CROT: variants seen among roughly 807,000 people sequenced by gnomAD.
CROT encodes carnitine O-octanoyltransferase.
CROT carries 84 observed loss-of-function variants against 89.2 expected under a neutral mutation model. That is an observed-to-expected ratio of 0.94 (90% confidence interval 0.79 to 1.13). CROT has a LOEUF of 1.13. CROT is among the 50% of genes most tolerant of loss of function. The probability of loss-of-function intolerance (pLI) is 0.00; values close to 1 mark genes in which losing one functional copy is unlikely to be tolerated. For missense variants in CROT, 711 were observed against 727.8 expected (o/e 0.98, Z 0.27); for synonymous variants, 212 against 239.5 (o/e 0.89, Z 1.06).
intron 7 of CROT, among the ~76,000 whole-genome samples, chr7:87,370,638 A>G (rs1806602198): frequency 6.6e-6 from 1 of 152,278 alleles, no homozygotes; most frequent in Non-Finnish European, 1.5e-5. Context: ...CTAAATATTC[A>G]TGTAACCTGC....
At chr7:87,369,176 G>C (rs527692144) in intron 6 of CROT, among the ~76,000 whole-genome samples, 200 bp from the exon 7 acceptor site, 1 of 152,136 alleles carries the variant, frequency 6.6e-6, no homozygotes. Context: ...GTCTCACATG[G>C]AACAAGTGTC....
At chr7:87,394,018 C>T (rs933290357) in intron 17 of CROT, among the ~76,000 whole-genome samples, 2 of 152,070 alleles carry the variant, frequency 1.3e-5, no homozygotes, top group African/African-American at 2.4e-5. Context: ...ATAAAATATA[C>T]ACAAATCTAC....
chr7:87,362,427 G>T (rs1367021602), intron 6 of CROT, among the ~76,000 whole-genome samples: 1 of 151,864 alleles, frequency 6.6e-6, no homozygotes, highest in African/African-American at 2.4e-5. Context: ...CTCCTGAGTG[G>T]CTGGGACTAT....
rs1807020718 is a variant in CROT at position 87,381,930 on chromosome 7, G to T, written c.999G>T (p.Met333Ile). The T allele has an allele frequency of 1.2e-6, 2 of 1,609,882 alleles. No individual in the cohort carries two copies. Among genetic ancestry groups the T allele is most frequent in the Non-Finnish European group, 8.5e-7 (1 of 1,177,992 alleles). ...TTTAGCATGCTCCTTTTGATGCAAT[G>T]ATTATGGTGAACATCAGTTATTATG... ...CNCDHAPFDA[M>I]IMVNISYYVD... Residue 333 changes from methionine to isoleucine, a missense_variant, in exon 11 of 18, where the codon ATG becomes ATT. Transcript: ENST00000331536.
chr7:87,349,796 T>C (rs80345296), intron 3 of CROT, among the ~76,000 whole-genome samples: 2,426 of 152,238 alleles, frequency 0.016, 70 homozygotes, highest in African/African-American at 0.053. Context: ...TTTCCCCCTC[T>C]ACTTATGAGA....
intron 3 of CROT, among the ~76,000 whole-genome samples, chr7:87,355,380 A>G (rs899880794): frequency 1.3e-5 from 2 of 152,196 alleles, no homozygotes; most frequent in African/African-American, 2.4e-5. Flanking sequence ...TGTTACAGAC[A>G]TGAGCCACTG....
At chr7:87,384,784 G>T (rs977803015) in intron 13 of CROT, among the ~76,000 whole-genome samples, 5 of 152,094 alleles carry the variant, frequency 3.3e-5, no homozygotes, top group African/African-American at 9.7e-5. Flanking sequence ...AGAAATATTT[G>T]CCCAGTTCAG....
At chr7:87,393,830 G>A (rs532755508) in intron 17 of CROT, among the ~76,000 whole-genome samples, 1 of 152,290 alleles carries the variant, frequency 6.6e-6, no homozygotes, top group East Asian at 1.9e-4. Context: ...TGAACAACAT[G>A]GGTTTGAACT....
intron 3 of CROT, chr7:87,357,644 C>A (rs1428340263): frequency 2.7e-6 from 2 of 741,902 alleles, no homozygotes; most frequent in Non-Finnish European, 4.7e-6. Context: ...TACTCCATTG[C>A]GGAGTAGAGC....
At chr7:87,386,436 A>G (rs932814008) in intron 13 of CROT, among the ~76,000 whole-genome samples, 4 of 152,020 alleles carry the variant, frequency 2.6e-5, no homozygotes, top group African/African-American at 9.7e-5. Flanking sequence ...AGGTTTTCCA[A>G]TTTGTTGGCA....
At chr7:87,366,519 C>T (rs922424919) in intron 6 of CROT, among the ~76,000 whole-genome samples, 6 of 152,156 alleles carry the variant, frequency 3.9e-5, no homozygotes, top group Non-Finnish European at 8.8e-5. Context: ...CAATTGTAGA[C>T]GATCCATAGG....
intron 6 of CROT, among the ~76,000 whole-genome samples, chr7:87,364,476 G>A (rs539024154): frequency 2.0e-5 from 3 of 152,282 alleles, no homozygotes; most frequent in Admixed American, 2.0e-4. Flanking sequence ...GTGGACAGAG[G>A]TTGCCCTTGA....
intron 10 of CROT, among the ~76,000 whole-genome samples, chr7:87,379,223 T>C (rs569394452): frequency 2.0e-5 from 3 of 152,314 alleles, no homozygotes; most frequent in Non-Finnish European, 4.4e-5. Flanking sequence ...CTCTTTCCTC[T>C]TAACAGTATT....
intron 14 of CROT, 47 bp from the exon 15 acceptor site, chr7:87,392,519 G>T (rs183649424): frequency 2.1e-6 from 3 of 1,454,536 alleles, no homozygotes; most frequent in South Asian, 1.2e-5. Flanking sequence ...TTTCTAGTTG[G>T]GTTTTGCACA....
At chr7:87,359,731 A>G (rs116979197) in intron 4 of CROT, 38,580 of 1,007,570 alleles carry the variant, frequency 0.038, 846 homozygotes, top group Non-Finnish European at 0.042. Context: ...TCGTAGTACA[A>G]TGGAGAAAGG....
intron 13 of CROT, among the ~76,000 whole-genome samples, chr7:87,383,497 CTTT>C (rs35655724): frequency 3.2e-4 from 42 of 130,428 alleles, no homozygotes; most frequent in Non-Finnish European, 4.4e-4. Flanking sequence ...ATGTATATCA[CTTT>C]TTTTTTTTTT....
intron 3 of CROT, among the ~76,000 whole-genome samples, chr7:87,353,979 T>G (rs1239272612): frequency 2.6e-5 from 4 of 152,252 alleles, no homozygotes; most frequent in Non-Finnish European, 4.4e-5. Context: ...TTCTACAGTC[T>G]TGTAGTGATT....
intron 6 of CROT, among the ~76,000 whole-genome samples, chr7:87,364,504 A>G (rs575833892): frequency 7.4e-4 from 113 of 152,330 alleles, no homozygotes; most frequent in African/African-American, 2.6e-3. Flanking sequence ...AGTTTTAATG[A>G]AAGTTGAAGA....
intron 6 of CROT, among the ~76,000 whole-genome samples, chr7:87,368,192 A>AAACAC: frequency 6.6e-6 from 1 of 152,104 alleles, no homozygotes; most frequent in African/African-American, 2.4e-5. Flanking sequence ...TTCTGCGGGT[A>AAACAC]TTTACATGGC....
Sources: allele counts gnomAD v4.1 joint callset (sites outside exome capture counted in the v4.1 genomes callset), GRCh38; gene constraint gnomAD v4.1.1; transcripts MANE v1.5; gene names NCBI Gene and HGNC (gene_info 2026-07-23, HGNC 2026-07-21).